The following GALNT13 variants were observed in gnomAD, a reference collection of about 807,000 sequenced individuals.
GALNT13 encodes UDP-GalNAc:polypeptide N-acetylgalactosaminyltransferase 13.
GALNT13 carries 28 observed loss-of-function variants against 64.2 expected under a neutral mutation model. The ratio of observed to expected loss-of-function variants is 0.44; its 90% confidence interval spans 0.32 to 0.60. GALNT13 has a LOEUF of 0.60. GALNT13 is among the 20% of genes least tolerant of loss of function. GALNT13 has a pLI of 0.05. For missense variants in GALNT13, 577 were observed against 669.8 expected (o/e 0.86, Z 1.53); for synonymous variants, 214 against 224.6 (o/e 0.95, Z 0.42).
At chr2:154,443,712 A>T (rs1473694969) in intron 12 of GALNT13, among the ~76,000 whole-genome samples, 7 of 152,050 alleles carry the variant, frequency 4.6e-5, no homozygotes. Flanking sequence ...GTTGGCTTTA[A>T]GTAGGAATTA....
the GALNT13 span, among the ~76,000 whole-genome samples, chr2:153,154,889 G>C: frequency 2.0e-5 from 3 of 152,112 alleles, no homozygotes; most frequent in Non-Finnish European, 4.4e-5. Flanking sequence ...TTATTGTTTT[G>C]AGGTATGTTC....
chr2:153,900,455 GT>G (rs1688162850), intron 1 of GALNT13, among the ~76,000 whole-genome samples: 1 of 152,128 alleles, frequency 6.6e-6, no homozygotes, highest in African/African-American at 2.4e-5. Context: ...TTTAAATGCA[GT>G]TACAAAGTGA....
At position 154,299,068 on chromosome 2, in the gene GALNT13, A is replaced by T. The variant is rs903445987; in HGVS notation, c.976-2341A>T. Among the ~76,000 whole-genome samples, 193 of 147,770 alleles carry T rather than the reference A, an allele frequency of 1.3e-3. 1 individual carries two copies. The highest frequency in any genetic ancestry group is 2.5e-4 in the Non-Finnish European group (17 of 67,088). On this transcript the variant is annotated intron_variant, in intron 8 of 12. Coordinates refer to ENST00000392825, the MANE Select transcript of GALNT13 (RefSeq NM_052917.4). ...ATAAAATATAAAATGTAGATAAAAT[A>T]TATATTTTATATTATTTAATGGTAA...
chr2:153,814,849 G>A, the GALNT13 span, among the ~76,000 whole-genome samples: 1 of 152,122 alleles, frequency 6.6e-6, no homozygotes. Context: ...CTAAAACACA[G>A]TTTTGCTCAT....
intron 4 of GALNT13, among the ~76,000 whole-genome samples, chr2:154,182,083 A>G (rs1211845393): frequency 6.6e-6 from 1 of 152,146 alleles, no homozygotes; most frequent in African/African-American, 2.4e-5. Flanking sequence ...TGCGTTGACT[A>G]TTTAATTTAG....
At chr2:153,280,871 A>C in the GALNT13 span, among the ~76,000 whole-genome samples, 31 of 152,164 alleles carry the variant, frequency 2.0e-4, no homozygotes, top group African/African-American at 6.8e-4. Flanking sequence ...GCAGATGTCT[A>C]TTAGGTCCAA....
At chr2:153,086,882 G>A in the GALNT13 span, among the ~76,000 whole-genome samples, 224 of 152,096 alleles carry the variant, frequency 1.5e-3, no homozygotes, top group African/African-American at 5.0e-3. Context: ...GAGTTTTTTG[G>A]ATGAGTCTTC....
At chr2:154,250,799 G>T (rs1452817763) in intron 7 of GALNT13, among the ~76,000 whole-genome samples, 1 of 151,950 alleles carries the variant, frequency 6.6e-6, no homozygotes, top group Non-Finnish European at 1.5e-5. Context: ...CGTTTGGATT[G>T]CAGGAAAGAA....
the GALNT13 span, among the ~76,000 whole-genome samples, chr2:153,805,637 C>G: frequency 6.6e-6 from 1 of 151,728 alleles, no homozygotes; most frequent in Non-Finnish European, 1.5e-5. Flanking sequence ...TGTAGTACAA[C>G]TATAGCAAAA....
chr2:153,407,065 A>T, the GALNT13 span, among the ~76,000 whole-genome samples: 6 of 152,252 alleles, frequency 3.9e-5, no homozygotes, highest in East Asian at 9.6e-4. Flanking sequence ...CCAAAAGCTA[A>T]CATAAAATAT....
chr2:153,660,099 T>G, the GALNT13 span, among the ~76,000 whole-genome samples: 1 of 152,130 alleles, frequency 6.6e-6, no homozygotes, highest in Non-Finnish European at 1.5e-5. Context: ...AATGATAATT[T>G]CAGTTGGAAA....
intron 4 of GALNT13, among the ~76,000 whole-genome samples, chr2:154,150,422 A>T (rs778341832): frequency 2.0e-5 from 3 of 152,274 alleles, no homozygotes; most frequent in Non-Finnish European, 4.4e-5. Flanking sequence ...GGCTTTGGTT[A>T]TCAGGATGAT....
intron 10 of GALNT13, among the ~76,000 whole-genome samples, chr2:154,396,343 T>A (rs537747562): frequency 7.2e-5 from 11 of 151,730 alleles, no homozygotes; most frequent in East Asian, 5.8e-4. Flanking sequence ...AAAAAAAAAA[T>A]TTTTTTAACA....
At chr2:153,446,568 G>A in the GALNT13 span, among the ~76,000 whole-genome samples, 1 of 152,142 alleles carries the variant, frequency 6.6e-6, no homozygotes. Context: ...AACTTCAGGC[G>A]AATCTATCAG....
At chr2:153,629,388 G>A in the GALNT13 span, among the ~76,000 whole-genome samples, 1 of 151,696 alleles carries the variant, frequency 6.6e-6, no homozygotes, top group Non-Finnish European at 1.5e-5. Flanking sequence ...AGAAAAACAA[G>A]CAGTGGGGAA....
chr2:153,809,783 G>T, the GALNT13 span, among the ~76,000 whole-genome samples: 14 of 152,022 alleles, frequency 9.2e-5, no homozygotes, highest in African/African-American at 3.1e-4. Flanking sequence ...TTTAATGGAT[G>T]ACTTGTCTCT....
intron 9 of GALNT13, among the ~76,000 whole-genome samples, chr2:154,346,218 A>C (rs1234139857): frequency 1.3e-5 from 2 of 152,094 alleles, no homozygotes; most frequent in Non-Finnish European, 2.9e-5. Context: ...TAAATAAGAT[A>C]AATATTTATG....
intron 4 of GALNT13, among the ~76,000 whole-genome samples, chr2:154,175,238 T>C (rs1040934954): frequency 6.6e-6 from 1 of 152,162 alleles, no homozygotes; most frequent in Admixed American, 6.6e-5. Flanking sequence ...TTCTGGAACA[T>C]TTTAGTTTAT....
At chr2:154,283,354 T>C (rs1358841781) in intron 8 of GALNT13, among the ~76,000 whole-genome samples, 1 of 152,146 alleles carries the variant, frequency 6.6e-6, no homozygotes, top group Non-Finnish European at 1.5e-5. Flanking sequence ...ACATGGTAGA[T>C]ACATTTTGTG....
Sources: allele counts gnomAD v4.1 joint callset (sites outside exome capture counted in the v4.1 genomes callset), GRCh38; gene constraint gnomAD v4.1.1; transcripts MANE v1.5; gene names NCBI Gene and HGNC (gene_info 2026-07-23, HGNC 2026-07-21).